STARD9: variants seen among roughly 807,000 people sequenced by gnomAD.
STARD9 encodes StAR related lipid transfer domain containing 9, also known as stAR-related lipid transfer protein 9.
Under a neutral mutation model 399.8 loss-of-function variants are expected in STARD9, and 346 were observed. The ratio of observed to expected loss-of-function variants is 0.87; its 90% CI spans 0.79 to 0.95. STARD9 has a LOEUF of 0.95. STARD9 is among the 40% of genes least tolerant of loss of function. The pLI is 0.00. For missense variants in STARD9, 5,832 were observed against 5,667.5 expected, an observed-to-expected ratio of 1.03 and a Z score of -0.93; for synonymous variants, 2,203 against 2,143.5, an observed-to-expected ratio of 1.03 and a Z score of -0.77.
At chr15:42,682,069 T>C (rs1183144578) in intron 21 of STARD9, 35 bp from the exon 22 acceptor site, 3 of 1,399,020 alleles carry the variant, frequency 2.1e-6, no homozygotes, top group East Asian at 2.5e-5. Context: ...GGGAAGGAGA[T>C]GCTGAAATTC....
chr15:42,665,223 T>G, intron 13 of STARD9, 30 bp from the exon 14 acceptor site: 2 of 1,510,994 alleles, frequency 1.3e-6, no homozygotes, highest in Non-Finnish European at 1.8e-6. Flanking sequence ...TTGATAACAA[T>G]CAGTGGTGAT....
intron 3 of STARD9, among the ~76,000 whole-genome samples, chr15:42,596,576 C>G (rs961383819): frequency 7.2e-5 from 11 of 152,168 alleles, no homozygotes; most frequent in Non-Finnish European, 1.6e-4. Flanking sequence ...AAATTTTCTT[C>G]CCACATACTT....
intron 20 of STARD9, among the ~76,000 whole-genome samples, chr15:42,677,953 GC>G (rs2060345475): frequency 6.6e-6 from 1 of 152,160 alleles, no homozygotes; most frequent in Admixed American, 6.5e-5. Context: ...TGGCTCTCTA[GC>G]CCCACAGGCA....
chr15:42,652,432 C>G (rs761360444), intron 8 of STARD9, 88 bp from the exon 9 acceptor site: 8 of 1,116,268 alleles, frequency 7.2e-6, no homozygotes, highest in Non-Finnish European at 1.0e-5. Context: ...AACCTCAGCA[C>G]TAACATTTCT....
In STARD9 at chr15:42,692,021, C is replaced by T. The variant is rs754134913; in HGVS notation, c.10443C>T (p.Ile3481=). The T allele has an allele frequency of 2.0e-6, 3 of 1,537,248 alleles. No homozygotes were observed. Among genetic ancestry groups the T allele is most frequent in the Non-Finnish European group, 1.7e-6 (2 of 1,146,912 alleles). Reference sequence around the variant, plus strand: ...GGCGTCCGGAGGAGCCTGCACGTATCAGCTGGAAGCAGTATATGTCTGGCA... The same window carrying T: ...GGCGTCCGGAGGAGCCTGCACGTATTAGCTGGAAGCAGTATATGTCTGGCA... ...LPWRPEEPAR[I]SWKQYMSGSA... Residue 3481 remains isoleucine, a synonymous_variant, in exon 23 of 33, where the codon ATC becomes ATT. Transcript: ENST00000290607.
At chr15:42,719,211 A>C (rs553736195) in intron 32 of STARD9, among the ~76,000 whole-genome samples, 38 of 152,272 alleles carry the variant, frequency 2.5e-4, no homozygotes, top group Admixed American at 2.2e-3. Context: ...TGTGAGGCAA[A>C]AGCAGCAGCC....
intron 3 of STARD9, among the ~76,000 whole-genome samples, chr15:42,615,744 C>T (rs1478133051): frequency 4.0e-5 from 6 of 151,328 alleles, no homozygotes; most frequent in African/African-American, 1.5e-4. Context: ...AAAGCGTTCC[C>T]ACCTCAGCAT....
At chr15:42,638,869 T>C in intron 7 of STARD9, 57 bp downstream of exon 7, 4 of 971,274 alleles carry the variant, frequency 4.1e-6, no homozygotes, top group Non-Finnish European at 6.1e-6. Context: ...GAAGCTCTCC[T>C]AATGTTCCCT....
At position 42,687,053 on chromosome 15, in the gene STARD9, C is replaced by A; in HGVS notation, c.5475C>A (p.Thr1825=). ...CTGAGATACCAGTTGATCTGAATAC[C>A]AGGGAAGTCATCAGAGAATCAGGTA... is the stretch of plus-strand genomic sequence containing the variant. ...VTAEIPVDLN[T]REVIRESGKC... is the part of the protein sequence containing the mutation. The change falls in exon 23 of 33, where the codon ACC becomes ACA. Residue 1825 remains threonine (T), a synonymous_variant. Transcript: ENST00000290607. 1 of 1,536,970 alleles carries A rather than the reference C, an allele frequency of 6.5e-7. No individual in the cohort carries two copies. Among genetic ancestry groups the A allele is most frequent in the East Asian group, 2.4e-5 (1 of 40,922 alleles).
At chr15:42,626,401 CCT>C (rs1216832060) in intron 3 of STARD9, among the ~76,000 whole-genome samples, 1 of 151,150 alleles carries the variant, frequency 6.6e-6, no homozygotes, top group African/African-American at 2.4e-5. Context: ...TCTTCCTCCT[CCT>C]CTTCTTCCTC....
chr15:42,607,537 C>G (rs2141789268), intron 3 of STARD9, among the ~76,000 whole-genome samples: 1 of 151,662 alleles, frequency 6.6e-6, no homozygotes, highest in Non-Finnish European at 1.5e-5. Context: ...GATTCTTTCT[C>G]ATCTGTGGAG....
chr15:42,715,436 T>C (rs1314167992), intron 26 of STARD9, among the ~76,000 whole-genome samples: 1 of 151,914 alleles, frequency 6.6e-6, no homozygotes, highest in African/African-American at 2.4e-5. Flanking sequence ...TCCCAAAACT[T>C]TGGGAGGCCG....
Position 42,686,593 on chromosome 15 carries a change from G to T in STARD9, c.5015G>T (p.Trp1672Leu). The change falls in exon 23 of 33, where the codon TGG becomes TTG. Residue 1672 changes from tryptophan to leucine, a missense_variant. Trp to Leu is a moderately conservative substitution (Grantham distance 61, BLOSUM62 -2). Around this residue, in one of 2 missense-constraint regions of STARD9, gnomAD observed 5,828 missense variants for 5,651.1 expected, o/e 1.03. Coordinates refer to ENST00000290607, the MANE Select transcript of STARD9 (RefSeq NM_020759.3). ...AAAGCAGACCATTGGTCCCAAGGCT[G>T]GGCTCCTCTCAGGAAAAATAGTGCA... Reference protein sequence around the residue: ...ATKADHWSQGWAPLRKNSAVQ... With the variant: ...ATKADHWSQGLAPLRKNSAVQ... 2 of 1,537,404 alleles carry T rather than the reference G, an allele frequency of 1.3e-6. No homozygotes were observed. The highest frequency in any genetic ancestry group is 8.7e-7 in the Non-Finnish European group (1 of 1,146,992).
chr15:42,703,340 C>A (rs140235780), intron 26 of STARD9, among the ~76,000 whole-genome samples: 1 of 150,206 alleles, frequency 6.7e-6, no homozygotes, highest in African/African-American at 2.5e-5. Context: ...GCCAGTGACT[C>A]GTACATTTGT....
Position 42,687,730 on chromosome 15 carries a change from T to C in STARD9, c.6152T>C (p.Ile2051Thr). 1 of 1,537,448 alleles carries C rather than the reference T, an allele frequency of 6.5e-7. No individual in the cohort carries two copies. The highest frequency in any genetic ancestry group is 8.7e-7 in the Non-Finnish European group (1 of 1,146,966). ...AATACTGATGAAATGGCTAGGCTAA[T>C]TAGGAGTGTAATGCAGCTGGAAAAT... ...VNNTDEMARL[I>T]RSVMQLENGI... Residue 2051 changes from isoleucine to threonine, a missense_variant, in exon 23 of 33, where the codon ATT (isoleucine) becomes ACT (threonine). Transcript: ENST00000290607.
chr15:42,680,173 G>C (rs1392315593), intron 20 of STARD9, among the ~76,000 whole-genome samples: 2 of 152,186 alleles, frequency 1.3e-5, no homozygotes, highest in African/African-American at 2.4e-5. Flanking sequence ...TGCAGAAAAA[G>C]CATTTGAGGT....
intron 26 of STARD9, among the ~76,000 whole-genome samples, chr15:42,706,749 T>C (rs892942698): frequency 6.6e-6 from 1 of 152,144 alleles, no homozygotes; most frequent in Non-Finnish European, 1.5e-5. Context: ...CACACCTGGC[T>C]TTTTTATAGC....
intron 3 of STARD9, among the ~76,000 whole-genome samples, chr15:42,623,122 C>T (rs2059124440): frequency 6.6e-6 from 1 of 152,144 alleles, no homozygotes; most frequent in South Asian, 2.1e-4. Flanking sequence ...TGTGGTGGTG[C>T]ATGCCTGTAA....
rs1007083927 is a variant in STARD9 at position 42,684,502 on chromosome 15, G to C, written c.2924G>C (p.Arg975Thr). The C allele has an allele frequency of 4.6e-6, 7 of 1,537,058 alleles. No homozygotes were observed. The African/African-American group carries it at 9.6e-5, about 21-fold the overall frequency. The change falls in exon 23 of 33, where the codon AGA (arginine) becomes ACA (threonine). Residue 975 changes from arginine (R) to threonine (T), a missense_variant. By Grantham distance (71) the Arg-to-Thr change is moderately conservative. Transcript: ENST00000290607. ...PKIFTSTTQT[R>T]GAKGLADPSH... Reference sequence around the variant, plus strand: ...ATCTTCACCTCTACTACCCAGACCAGAGGGGCGAAGGGACTAGCAGACCCT... The same window carrying C: ...ATCTTCACCTCTACTACCCAGACCACAGGGGCGAAGGGACTAGCAGACCCT...
Sources: allele counts gnomAD v4.1 joint callset (sites outside exome capture counted in the v4.1 genomes callset), GRCh38; gene constraint gnomAD v4.1.1; regional missense constraint gnomAD v4.1.1; transcripts MANE v1.5; gene names NCBI Gene and HGNC (gene_info 2026-07-23, HGNC 2026-07-21).